Variants in ATP8A2 observed in about 807,000 individuals in gnomAD.
ATP8A2 encodes the protein ATPase phospholipid transporting 8A2, also known as phospholipid-transporting ATPase IB.
In ATP8A2, 100 loss-of-function variants were observed where a neutral mutation model predicts 165.6. That is an observed-to-expected ratio of 0.60 (90% CI 0.51 to 0.71). ATP8A2 has a LOEUF of 0.71. Ranked by LOEUF, ATP8A2 falls within the 30% of genes least tolerant of loss-of-function variation. ATP8A2 has a pLI of 0.00. For missense variants in ATP8A2, 1,227 were observed against 1,479.5 expected, an observed-to-expected ratio of 0.83 and a Z score of 2.80; for synonymous variants, 543 against 548.8, an observed-to-expected ratio of 0.99 and a Z score of 0.15.
intron 1 of ATP8A2, among the ~76,000 whole-genome samples, chr13:25,434,947 T>C (rs145665985): frequency 6.6e-6 from 1 of 152,170 alleles, no homozygotes; most frequent in East Asian, 1.9e-4. Flanking sequence ...CCCTGGATGA[T>C]GATGGCGTTA....
rs943091262 is a variant in ATP8A2 at position 26,017,683 on chromosome 13, T to C, written c.3470-2205T>C. Among the ~76,000 whole-genome samples the C allele has an allele frequency of 2.0e-5, 3 of 152,178 alleles. No homozygotes were observed. The East Asian group carries it at 5.8e-4, about 29-fold the overall frequency. On this transcript the variant is annotated intron_variant, in intron 36 of 36. Transcript: ENST00000381655. ...CTCTTCGGTGCTTGAAAGCAGATCA[T>C]GTGAAAACTCTAAAGCCCTGAGAAT...
intron 24 of ATP8A2, among the ~76,000 whole-genome samples, chr13:25,650,307 TA>T (rs1438708282): frequency 2.6e-5 from 4 of 152,140 alleles, no homozygotes; most frequent in African/African-American, 7.2e-5. Flanking sequence ...TTTTGTGGGG[TA>T]GGGGGGTAGT....
At chr13:25,808,274 C>G (rs905834290) in intron 27 of ATP8A2, among the ~76,000 whole-genome samples, 1 of 151,830 alleles carries the variant, frequency 6.6e-6, no homozygotes, top group African/African-American at 2.4e-5. Context: ...GGACTACAGG[C>G]ATGCACTACC....
intron 2 of ATP8A2, among the ~76,000 whole-genome samples, chr13:25,512,809 C>T (rs866913739): frequency 9.7e-4 from 134 of 138,286 alleles, no homozygotes; most frequent in Non-Finnish European, 1.2e-3. Context: ...CCCTCCCGTA[C>T]GGGGCGGCTG....
intron 33 of ATP8A2, chr13:25,867,903 A>AACAAAAG (rs1244094705): frequency 1.3e-5 from 3 of 224,326 alleles, no homozygotes; most frequent in Non-Finnish European, 2.8e-5. Context: ...GACAAACAAA[A>AACAAAAG]ACAAAAGTGT....
At chr13:26,004,272 G>T (rs1956696922) in intron 35 of ATP8A2, among the ~76,000 whole-genome samples, 1 of 151,848 alleles carries the variant, frequency 6.6e-6, no homozygotes, top group African/African-American at 2.4e-5. Flanking sequence ...TTGTTGTTGT[G>T]CTTGTAAATG....
intron 25 of ATP8A2, among the ~76,000 whole-genome samples, chr13:25,747,910 T>A (rs1189880007): frequency 6.6e-6 from 1 of 152,140 alleles, no homozygotes; most frequent in African/African-American, 2.4e-5. Context: ...TGTTCAGATA[T>A]TTTTCTACAA....
At chr13:25,701,497 A>G (rs1211814730) in intron 25 of ATP8A2, among the ~76,000 whole-genome samples, 1 of 152,114 alleles carries the variant, frequency 6.6e-6, no homozygotes, top group Non-Finnish European at 1.5e-5. Flanking sequence ...TCTGCCTGCC[A>G]CTGCCCTGTT....
intron 24 of ATP8A2, among the ~76,000 whole-genome samples, chr13:25,599,151 G>T (rs7336217): frequency 0.058 from 8,764 of 152,064 alleles, 554 homozygotes; most frequent in African/African-American, 0.14. Context: ...CCCTGTACAT[G>T]TGCATAAATT....
intron 24 of ATP8A2, among the ~76,000 whole-genome samples, chr13:25,637,470 C>A (rs149448175): frequency 3.3e-5 from 5 of 152,312 alleles, no homozygotes; most frequent in African/African-American, 7.2e-5. Context: ...TATCCCATGC[C>A]TGGCTCAGAG....
intron 26 of ATP8A2, among the ~76,000 whole-genome samples, chr13:25,770,288 C>G (rs1206420782): frequency 5.9e-5 from 9 of 152,102 alleles, no homozygotes; most frequent in Admixed American, 2.0e-4. Flanking sequence ...TAAACTGCTC[C>G]TAAGATCAGT....
rs1020699363 is a variant in ATP8A2 at position 25,750,367 on chromosome 13, T to C, written c.2385-18679T>C. ...GGGCCCTAACTGTGGGCAGTTTCCC[T>C]CTGCTAGTGCCCCCTCTTCCTTGGT... On this transcript the variant is annotated intron_variant, in intron 25 of 36. Coordinates refer to ENST00000381655, the MANE Select transcript of ATP8A2 (RefSeq NM_016529.6). The surrounding 1 kb of genome is among the most constrained non-coding windows in gnomAD (Gnocchi z 4.3). Among the ~76,000 whole-genome samples the C allele has an allele frequency of 5.3e-5, 8 of 152,220 alleles. No individual in the cohort carries two copies. The highest frequency in any genetic ancestry group is 1.7e-4 in the African/African-American group (7 of 41,460).
rs532397237 is a variant in ATP8A2, at chr13:25,654,447, G to T, written c.2212-44726G>T. Among the ~76,000 whole-genome samples the T allele has an allele frequency of 2.6e-5, 4 of 152,234 alleles. No individual in the cohort carries two copies. The South Asian group carries it at 6.2e-4, about 24-fold the overall frequency. On this transcript the variant is annotated intron_variant, in intron 24 of 36. Coordinates refer to ENST00000381655, the MANE Select transcript of ATP8A2 (RefSeq NM_016529.6). ...TTAAACTCCTGGGCTCAAATGATCT[G>T]CCCGCCTTGGCCTCCTCCCAAAGTG... is the stretch of plus-strand genomic sequence containing the variant.
At chr13:25,665,492 G>A (rs1159177641) in intron 24 of ATP8A2, among the ~76,000 whole-genome samples, 2 of 151,204 alleles carry the variant, frequency 1.3e-5, no homozygotes, top group Non-Finnish European at 2.9e-5. Context: ...CTCAGGTGCA[G>A]AGATGGTAGG....
chr13:25,869,985 A>G (rs1364433837), intron 33 of ATP8A2, among the ~76,000 whole-genome samples: 1 of 152,226 alleles, frequency 6.6e-6, no homozygotes, highest in Non-Finnish European at 1.5e-5. Context: ...TACCGGAAGA[A>G]TCAGATCACA....
At chr13:25,596,843 A>C (rs1184747569) in intron 24 of ATP8A2, among the ~76,000 whole-genome samples, 1 of 152,212 alleles carries the variant, frequency 6.6e-6, no homozygotes, top group Non-Finnish European at 1.5e-5. Flanking sequence ...AGAAATTGCC[A>C]AACAATTTCC....
intron 1 of ATP8A2, among the ~76,000 whole-genome samples, chr13:25,381,540 G>A (rs567785900): frequency 6.6e-6 from 1 of 152,288 alleles, no homozygotes; most frequent in African/African-American, 2.4e-5. Flanking sequence ...TGAGTTTTTA[G>A]GCATTTCTTT....
At chr13:25,779,328 A>T (rs2044816625) in intron 27 of ATP8A2, among the ~76,000 whole-genome samples, 2 of 149,044 alleles carry the variant, frequency 1.3e-5, no homozygotes, top group East Asian at 4.1e-4. Flanking sequence ...TCAGAAGGTA[A>T]AATCCTGTTG....
rs1174243477 is a variant in ATP8A2 at position 25,465,663 on chromosome 13, TTTTCTTTC to T, written c.77-3245_77-3238del. 5.7e-3 allele frequency among the ~76,000 whole-genome samples: 493 copies of T among 86,392 alleles called. 23 individuals carry two copies. The highest frequency in any genetic ancestry group is 0.017 in the African/African-American group (357 of 21,518). The allele number at this position is 86,392 out of a possible 152,430, so 56.7% of individuals were successfully genotyped here. On this transcript the variant is annotated intron_variant, in intron 1 of 36. Transcript: ENST00000381655. ...TCACCTCCCCAGAAATCTTGCAGAG[TTTTCTTTC>T]TTTCTTTCTTTCTTTCTTTCTTTCT... is the stretch of plus-strand genomic sequence containing the variant.
Sources: allele counts gnomAD v4.1 joint callset (sites outside exome capture counted in the v4.1 genomes callset), GRCh38; gene constraint gnomAD v4.1.1; non-coding constraint Gnocchi (gnomAD v3.1); transcripts MANE v1.5; gene names NCBI Gene and HGNC (gene_info 2026-07-23, HGNC 2026-07-21).